The following MAML2 variants were observed in gnomAD, a reference collection of about 807,000 sequenced individuals.
MAML2 encodes mastermind-like protein 2.
Under a neutral mutation model 96.1 loss-of-function variants are expected in MAML2, and 22 were observed. The observed-to-expected ratio is 0.23, with a 90% CI of 0.16 to 0.33. The LOEUF is 0.33. Among genes scored for constraint, MAML2 ranks in the 10% least tolerant of loss-of-function variants. The pLI is 1.00. For synonymous variants in MAML2, 561 were observed against 521.3 expected (o/e 1.08, Z -1.04); for missense variants, 1,367 against 1,392.4 (o/e 0.98, Z 0.29).
intron 3 of MAML2, among the ~76,000 whole-genome samples, chr11:95,988,702 T>C (rs1020563973): frequency 2.6e-5 from 4 of 151,872 alleles, no homozygotes; most frequent in African/African-American, 9.7e-5. Context: ...AACTGCCATG[T>C]TGTTCTTTTG....
chr11:96,227,994 C>T (rs1565255341), intron 1 of MAML2, among the ~76,000 whole-genome samples: 1 of 152,090 alleles, frequency 6.6e-6, no homozygotes, highest in Non-Finnish European at 1.5e-5. Flanking sequence ...CCCAGCCACT[C>T]GGGGGGCTGA....
chr11:96,048,636 T>C (rs1220394282), intron 2 of MAML2, among the ~76,000 whole-genome samples: 5 of 152,332 alleles, frequency 3.3e-5, no homozygotes, highest in South Asian at 2.1e-4. Context: ...TATGATGAAA[T>C]AGATTTTTAA....
chr11:96,149,424 A>AC lies in MAML2; in HGVS notation c.514-55908_514-55907insG, dbSNP rs1220488192. 1.3e-4 allele frequency among the ~76,000 whole-genome samples: 15 copies of AC among 118,666 alleles called. 1 individual carries two copies. The highest frequency in any genetic ancestry group is 2.0e-4 in the Non-Finnish European group (12 of 58,628). 77.8% of individuals were successfully genotyped at this position (118,666 alleles called of 152,430 possible). On this transcript the variant is annotated intron_variant, in intron 1 of 4. Coordinates refer to ENST00000524717, the MANE Select transcript of MAML2 (RefSeq NM_032427.4). ...AGAGTGAGACTCCGTCACAAAAAAA[A>AC]AAAAAAAATGAGAAGTTAAGTTTTC... is the stretch of plus-strand genomic sequence containing the variant.
intron 1 of MAML2, among the ~76,000 whole-genome samples, chr11:96,212,148 TGTGG>T (rs1453176203): frequency 7.9e-6 from 1 of 125,910 alleles, no homozygotes; most frequent in Non-Finnish European, 1.8e-5. Context: ...TGTGTGTGTG[TGTGG>T]AAGGGGGACT....
chr11:96,142,074 G>C (rs1184194636), intron 1 of MAML2, among the ~76,000 whole-genome samples: 1 of 152,218 alleles, frequency 6.6e-6, no homozygotes, highest in African/African-American at 2.4e-5. Flanking sequence ...ATGTCATGGT[G>C]CTCACAATCT....
At chr11:96,202,133 A>G (rs572978777) in intron 1 of MAML2, among the ~76,000 whole-genome samples, 227 of 146,184 alleles carry the variant, frequency 1.6e-3, no homozygotes, top group African/African-American at 5.5e-3. Context: ...GGAGATCAAG[A>G]CTATCCTGGC....
intron 1 of MAML2, among the ~76,000 whole-genome samples, chr11:96,291,747 C>T (rs1863214748): frequency 6.6e-6 from 1 of 152,184 alleles, no homozygotes; most frequent in Non-Finnish European, 1.5e-5. Context: ...CACACACATG[C>T]ATACATCATC....
At chr11:96,319,174 G>A (rs375998949) in intron 1 of MAML2, among the ~76,000 whole-genome samples, 4 of 152,128 alleles carry the variant, frequency 2.6e-5, no homozygotes, top group Admixed American at 6.5e-5. Flanking sequence ...TGAGGCCTCC[G>A]GTCAACAGCC....
chr11:96,099,276 ATT>A (rs1475323594), intron 1 of MAML2, among the ~76,000 whole-genome samples: 4 of 152,178 alleles, frequency 2.6e-5, no homozygotes, highest in Non-Finnish European at 5.9e-5. Flanking sequence ...TCTTGATTTG[ATT>A]CTTGAAGTAA....
rs1859712465 is a variant in MAML2 at position 96,091,912 on chromosome 11, C to G, written c.2119G>C (p.Val707Leu). 3.1e-6 allele frequency: 5 copies of G among 1,613,322 alleles called. No homozygotes were observed. Among genetic ancestry groups the G allele is most frequent in the Non-Finnish European group, 4.2e-6 (5 of 1,179,664 alleles). The change falls in exon 2 of 5, where the codon GTC (valine) becomes CTC (leucine). Residue 707 changes from valine (V) to leucine (L), a missense_variant. By Grantham distance (32) the Val-to-Leu change is conservative. Coordinates refer to ENST00000524717, the MANE Select transcript of MAML2 (RefSeq NM_032427.4). The stretch of plus-strand genomic sequence containing the variant: ...CTTACCTGTCTCTGTTGTTGGGAGA[C>G]TTGGTATCCCATTCCTGCAATGGGC... ...NQPIAGMGYQ[V>L]SQQQRQDQHS...
intron 1 of MAML2, among the ~76,000 whole-genome samples, chr11:96,159,989 G>A (rs888871308): frequency 9.9e-5 from 15 of 152,278 alleles, no homozygotes; most frequent in East Asian, 1.9e-4. Flanking sequence ...TAATAGCTGC[G>A]TGCTCTGTAG....
rs181999988 is a variant in MAML2 at position 95,982,739 on chromosome 11, A to G, written c.2456-2776T>C. On this transcript the variant is annotated intron_variant, in intron 4 of 4. Transcript: ENST00000524717. ...GGTATTAAAAAACCATGTTTTAAGT[A>G]CAGTATGCACTGCATAACAATGTTT... is the stretch of plus-strand genomic sequence containing the variant. Among the ~76,000 whole-genome samples, 14 of 152,284 alleles carry G rather than the reference A, an allele frequency of 9.2e-5. No individual in the cohort carries two copies. The East Asian group carries it at 2.5e-3, about 27-fold the overall frequency.
chr11:96,047,633 G>A (rs185553350), intron 2 of MAML2, among the ~76,000 whole-genome samples: 18 of 152,150 alleles, frequency 1.2e-4, no homozygotes, highest in African/African-American at 3.4e-4. Flanking sequence ...CTTGTTGGCC[G>A]GGCGCGGTGG....
chr11:96,115,164 C>CTTTT (rs949954264), intron 1 of MAML2, among the ~76,000 whole-genome samples: 2 of 143,446 alleles, frequency 1.4e-5, no homozygotes, highest in Non-Finnish European at 3.1e-5. Context: ...TCTTTTTTTG[C>CTTTT]TTTTTTTTTT....
intron 1 of MAML2, among the ~76,000 whole-genome samples, chr11:96,245,613 T>C (rs576788354): frequency 1.3e-5 from 2 of 152,308 alleles, no homozygotes; most frequent in South Asian, 4.1e-4. Flanking sequence ...GCACCACGTT[T>C]GCTGACTTGC....
intron 1 of MAML2, among the ~76,000 whole-genome samples, chr11:96,170,032 G>A (rs1861259287): frequency 6.6e-6 from 1 of 152,218 alleles, no homozygotes. Context: ...ACATTGTACA[G>A]AGGGCTCCAC....
intron 1 of MAML2, among the ~76,000 whole-genome samples, chr11:96,152,656 C>T (rs1404936723): frequency 6.6e-6 from 1 of 152,134 alleles, no homozygotes; most frequent in Non-Finnish European, 1.5e-5. Flanking sequence ...TCCTTAGAGC[C>T]AATTTGTATA....
intron 1 of MAML2, among the ~76,000 whole-genome samples, chr11:96,187,889 T>C (rs1025482501): frequency 1.3e-5 from 2 of 152,220 alleles, no homozygotes; most frequent in African/African-American, 4.8e-5. Context: ...CTCCAGTCTA[T>C]GGACTAAGCA....
chr11:96,187,853 C>T lies in MAML2; in HGVS notation c.514-94336G>A, dbSNP rs148109141. Among the ~76,000 whole-genome samples, 17 of 151,638 alleles carry T rather than the reference C, an allele frequency of 1.1e-4. No homozygotes were observed. The South Asian group carries it at 2.3e-3, about 20-fold the overall frequency. On this transcript the variant is annotated intron_variant, in intron 1 of 4. Transcript: ENST00000524717. ...TTAGGAATGTCCACCTATTACTGTTCTTCTCCTCTGCTCTGATATTTTTCA... is the reference window on the plus strand; with the variant it reads ...TTAGGAATGTCCACCTATTACTGTTTTTCTCCTCTGCTCTGATATTTTTCA...
Sources: allele counts gnomAD v4.1 joint callset (sites outside exome capture counted in the v4.1 genomes callset), GRCh38; gene constraint gnomAD v4.1.1; transcripts MANE v1.5; gene names NCBI Gene and HGNC (gene_info 2026-07-23, HGNC 2026-07-21).